The following IL1RAPL2 variants were observed in gnomAD, a reference collection of about 807,000 sequenced individuals.
IL1RAPL2 encodes the protein X-linked interleukin-1 receptor accessory protein-like 2.
A neutral mutation model predicts 44.1 loss-of-function variants in IL1RAPL2; 3 were observed. That is an observed-to-expected ratio of 0.07 (90% CI 0.03 to 0.18). The LOEUF (loss-of-function observed/expected upper bound fraction) is 0.18. IL1RAPL2 is among the 10% of genes least tolerant of loss of function. The pLI, the probability that IL1RAPL2 is intolerant of heterozygous loss-of-function variation, is 1.00. For missense variants in IL1RAPL2, 391 were observed against 496.4 expected, an observed-to-expected ratio of 0.79 and a Z score of 2.02; for synonymous variants, 181 against 178.8, an observed-to-expected ratio of 1.01 and a Z score of -0.10.
chrX:104,686,677 A>G (rs1219091162), intron 2 of IL1RAPL2, among the ~76,000 whole-genome samples: 1 of 111,938 alleles, frequency 8.9e-6, no homozygotes, highest in African/African-American at 3.2e-5. Context: ...CCAACACTTT[A>G]TCTCTGAGGT....
chrX:105,363,181 C>A (rs1324767440), intron 5 of IL1RAPL2, among the ~76,000 whole-genome samples: 1 of 104,421 alleles, frequency 9.6e-6, no homozygotes, highest in Non-Finnish European at 2.0e-5. Context: ...TATGTTGTCA[C>A]AAATGACAGA....
intron 6 of IL1RAPL2, among the ~76,000 whole-genome samples, chrX:105,628,179 TTTC>T (rs1008475195): frequency 3.6e-5 from 4 of 111,837 alleles, no homozygotes; most frequent in African/African-American, 1.3e-4. Flanking sequence ...TTTTTTTCTT[TTTC>T]TTTTTTTATT....
intron 4 of IL1RAPL2, among the ~76,000 whole-genome samples, chrX:105,257,518 C>G (rs115498399): frequency 0.025 from 2,770 of 111,801 alleles, 81 homozygotes; most frequent in African/African-American, 0.084. Flanking sequence ...GATGATCTGT[C>G]TAATACTCAG....
At chrX:105,018,308 G>C (rs1035192589) in intron 2 of IL1RAPL2, among the ~76,000 whole-genome samples, 1 of 110,913 alleles carries the variant, frequency 9.0e-6, no homozygotes, top group Non-Finnish European at 1.9e-5. Context: ...ACACATCATG[G>C]TTATTTGTTA....
chrX:105,456,678 A>C (rs2036057030), intron 5 of IL1RAPL2, among the ~76,000 whole-genome samples: 1 of 111,141 alleles, frequency 9.0e-6, no homozygotes, highest in East Asian at 2.8e-4. Context: ...TCTTGATTCT[A>C]ATATAAGCAT....
At chrX:104,976,919 C>T (rs1433445330) in intron 2 of IL1RAPL2, among the ~76,000 whole-genome samples, 1 of 107,760 alleles carries the variant, frequency 9.3e-6, no homozygotes, top group African/African-American at 3.4e-5. Context: ...AAAAAGACTG[C>T]AAACAAAACA....
At chrX:104,574,521 A>G (rs1928208976) in intron 1 of IL1RAPL2, among the ~76,000 whole-genome samples, 1 of 112,123 alleles carries the variant, frequency 8.9e-6, no homozygotes, top group African/African-American at 3.2e-5. Flanking sequence ...AATGTAAAAT[A>G]CCTTCTATGA....
intron 6 of IL1RAPL2, among the ~76,000 whole-genome samples, chrX:105,540,335 G>A (rs1006113113): frequency 3.6e-5 from 4 of 111,419 alleles, no homozygotes; most frequent in East Asian, 2.8e-4. Context: ...GCATATATAC[G>A]CCATGGAATA....
intron 2 of IL1RAPL2, among the ~76,000 whole-genome samples, chrX:104,996,394 C>A (rs778718046): frequency 7.2e-5 from 8 of 111,770 alleles, no homozygotes; most frequent in African/African-American, 2.6e-4. Context: ...GTACAAACTT[C>A]AAGGAGAAAA....
At chrX:105,236,934 G>A (rs1042378517) in intron 4 of IL1RAPL2, among the ~76,000 whole-genome samples, 4 of 110,671 alleles carry the variant, frequency 3.6e-5, no homozygotes, top group Non-Finnish European at 7.6e-5. Context: ...CCATGTTGGT[G>A]TGCTGCACCC....
Position 105,345,266 on chromosome X carries a change from G to A in IL1RAPL2, c.697+77725G>A, listed in dbSNP as rs1025790358. On this transcript the variant is annotated intron_variant, in intron 5 of 10. Coordinates refer to ENST00000372582, the MANE Select transcript of IL1RAPL2 (RefSeq NM_017416.2). ...AGATGCCTACTCAATTATCTACGTC[G>A]TATCTTTTTATTTCCCAGTATAAAC... is the stretch of plus-strand genomic sequence containing the variant. Among the ~76,000 whole-genome samples, 3 of 111,453 alleles carry A rather than the reference G, an allele frequency of 2.7e-5. No individual in the cohort carries two copies. In the Admixed American group the frequency reaches 2.9e-4, roughly 11 times the overall value.
intron 2 of IL1RAPL2, among the ~76,000 whole-genome samples, chrX:105,103,013 GCA>G (rs2032690233): frequency 9.0e-6 from 1 of 111,618 alleles, no homozygotes; most frequent in Admixed American, 9.5e-5. Flanking sequence ...GAAATTTTGA[GCA>G]CAGTTTTAAA....
intron 10 of IL1RAPL2, among the ~76,000 whole-genome samples, chrX:105,755,886 T>TTGAA (rs2038634275): frequency 8.9e-6 from 1 of 111,939 alleles, no homozygotes; most frequent in South Asian, 3.8e-4. Flanking sequence ...AATGCTAGGC[T>TTGAA]TGAATGCTAT....
At chrX:104,895,380 G>C (rs1432624738) in intron 2 of IL1RAPL2, among the ~76,000 whole-genome samples, 1 of 112,768 alleles carries the variant, frequency 8.9e-6, no homozygotes, top group Non-Finnish European at 1.9e-5. Flanking sequence ...CCTGCCCCCA[G>C]AAGGGGAGTC....
At chrX:105,709,826 A>G (rs1297819818) in intron 6 of IL1RAPL2, among the ~76,000 whole-genome samples, 2 of 111,654 alleles carry the variant, frequency 1.8e-5, no homozygotes, top group Non-Finnish European at 3.8e-5. Context: ...CGGGATATGT[A>G]GTAACAATGG....
At chrX:104,909,513 T>C (rs1569340203) in intron 2 of IL1RAPL2, among the ~76,000 whole-genome samples, 1 of 111,720 alleles carries the variant, frequency 9.0e-6, no homozygotes, top group Non-Finnish European at 1.9e-5. Context: ...GATGTACAGA[T>C]GGGTTTTTGG....
At chrX:104,654,367 C>G (rs1930211514) in intron 1 of IL1RAPL2, among the ~76,000 whole-genome samples, 1 of 110,654 alleles carries the variant, frequency 9.0e-6, no homozygotes, top group Admixed American at 9.7e-5. Flanking sequence ...TTGTGGGACT[C>G]AGACATGTAG....
chrX:104,927,899 C>A (rs1231944951), intron 2 of IL1RAPL2, among the ~76,000 whole-genome samples: 5 of 112,256 alleles, frequency 4.5e-5, no homozygotes, highest in Non-Finnish European at 9.4e-5. Flanking sequence ...AGAGCCAGTT[C>A]TCTAGGATTT....
intron 7 of IL1RAPL2, among the ~76,000 whole-genome samples, chrX:105,718,068 C>T (rs758952154): frequency 4.2e-4 from 47 of 111,876 alleles, no homozygotes; most frequent in African/African-American, 1.5e-3. Context: ...TATTGGTTTT[C>T]TAATTCTATT....
Sources: allele counts gnomAD v4.1 joint callset (sites outside exome capture counted in the v4.1 genomes callset), GRCh38; gene constraint gnomAD v4.1.1; transcripts MANE v1.5; gene names NCBI Gene and HGNC (gene_info 2026-07-23, HGNC 2026-07-21).